Variants in SMOC2 observed in about 807,000 individuals in gnomAD.
SMOC2 encodes the protein SPARC related modular calcium binding 2.
A neutral mutation model predicts 61.4 loss-of-function variants in SMOC2; 39 were observed. The observed-to-expected ratio is 0.64, with a 90% CI of 0.49 to 0.83. The LOEUF is 0.83. Among genes scored for constraint, SMOC2 ranks in the 40% least tolerant of loss-of-function variants. The pLI is 0.00. For synonymous variants in SMOC2, 247 were observed against 239.9 expected (o/e 1.03, Z -0.27); for missense variants, 556 against 592.9 (o/e 0.94, Z 0.65).
rs1583019127 is a variant in SMOC2, at chr6:168,441,265, G to T, written c.-106G>T. On this transcript the variant is annotated 5_prime_UTR_variant, in exon 1 of 13. Coordinates refer to ENST00000356284, the MANE Select transcript of SMOC2 (RefSeq NM_001166412.2). ...GCGGTGGGGAGAGCATCGCGGAGCC[G>T]CCCCTCCACGCGCCCGCCCAGCCGC... 1.5e-6 allele frequency: 2 copies of T among 1,372,126 alleles called. No homozygotes were observed. The highest frequency in any genetic ancestry group is 2.7e-4 in the Middle Eastern group (1 of 3,766). 85.0% of individuals were successfully genotyped at this position (1,372,126 alleles called of 1,614,324 possible).
At chr6:168,624,999 C>G (rs2115238490) in intron 9 of SMOC2, among the ~76,000 whole-genome samples, 1 of 152,288 alleles carries the variant, frequency 6.6e-6, no homozygotes, top group East Asian at 1.9e-4. Flanking sequence ...GCAGCACCAT[C>G]TGGGTCAGAT....
chr6:168,625,430 A>G (rs923820968), intron 9 of SMOC2, among the ~76,000 whole-genome samples: 2 of 152,236 alleles, frequency 1.3e-5, no homozygotes, highest in Non-Finnish European at 2.9e-5. Flanking sequence ...AGAGAGGTTC[A>G]GGACTCGCCC....
chr6:168,550,474 C>T (rs1403865813), intron 7 of SMOC2, among the ~76,000 whole-genome samples: 1 of 152,206 alleles, frequency 6.6e-6, no homozygotes, highest in East Asian at 1.9e-4. Context: ...GCAGCCACCT[C>T]AGAACCCCAT....
chr6:168,613,621 C>A (rs1785951566), intron 9 of SMOC2, among the ~76,000 whole-genome samples: 1 of 148,246 alleles, frequency 6.7e-6, no homozygotes, highest in South Asian at 2.3e-4. Context: ...CTACAGCCAG[C>A]ACAGGGGGCC....
chr6:168,583,759 A>G (rs1784979458), intron 7 of SMOC2, among the ~76,000 whole-genome samples: 1 of 152,206 alleles, frequency 6.6e-6, no homozygotes, highest in Non-Finnish European at 1.5e-5. Flanking sequence ...CCCAGCCTCT[A>G]TGGGAGCACT....
intron 1 of SMOC2, among the ~76,000 whole-genome samples, chr6:168,489,531 T>A (rs1376288214): frequency 6.7e-6 from 1 of 149,340 alleles, no homozygotes; most frequent in Non-Finnish European, 1.5e-5. Context: ...TGGATCACAC[T>A]GTTTTAGAAT....
intron 9 of SMOC2, among the ~76,000 whole-genome samples, chr6:168,643,298 G>A (rs527578948): frequency 6.6e-6 from 1 of 152,252 alleles, no homozygotes; most frequent in Admixed American, 6.5e-5. Flanking sequence ...ACAGCTTCCA[G>A]TTTCCTTTCA....
intron 1 of SMOC2, among the ~76,000 whole-genome samples, chr6:168,454,833 G>T (rs1781546287): frequency 6.6e-6 from 1 of 152,202 alleles, no homozygotes; most frequent in Non-Finnish European, 1.5e-5. Context: ...ACGCTGCTGG[G>T]GACAGGTTGT....
chr6:168,566,723 T>A (rs1321042957), intron 7 of SMOC2, among the ~76,000 whole-genome samples: 8 of 152,074 alleles, frequency 5.3e-5, no homozygotes. Context: ...ATGATCTTGA[T>A]CTCTTGACCT....
chr6:168,516,354 C>G (rs1410363530), intron 2 of SMOC2, among the ~76,000 whole-genome samples: 1 of 147,772 alleles, frequency 6.8e-6, no homozygotes, highest in Non-Finnish European at 1.5e-5. Context: ...TCAACAAAAT[C>G]TCTGGCATTC....
At chr6:168,627,487 G>T (rs1394103896) in intron 9 of SMOC2, among the ~76,000 whole-genome samples, 1 of 152,152 alleles carries the variant, frequency 6.6e-6, no homozygotes, top group African/African-American at 2.4e-5. Flanking sequence ...ATGTCAGGAA[G>T]AAAAATGATG....
At position 168,586,159 on chromosome 6, in the gene SMOC2, T is replaced by G. The variant is rs112019417; in HGVS notation, c.638-12659T>G. On this transcript the variant is annotated intron_variant, in intron 7 of 12. Coordinates refer to ENST00000356284, the MANE Select transcript of SMOC2 (RefSeq NM_001166412.2). ...GATCTCTAATTTATCTCAAATAAAT[T>G]TGTGTGTGTGGTGAGTTAGGCTTTT... is the stretch of plus-strand genomic sequence containing the variant. Among the ~76,000 whole-genome samples the G allele has an allele frequency of 5.9e-5, 9 of 152,260 alleles. No homozygotes were observed. In the South Asian group the frequency reaches 1.2e-3, roughly 21 times the overall value.
intron 1 of SMOC2, among the ~76,000 whole-genome samples, chr6:168,480,863 C>T (rs1385192600): frequency 6.6e-6 from 1 of 152,130 alleles, no homozygotes; most frequent in East Asian, 1.9e-4. Context: ...AGATTAATAG[C>T]AGATTTTTCC....
chr6:168,544,243 C>T lies in SMOC2; in HGVS notation c.511+571C>T, dbSNP rs1352672782. 6.6e-6 allele frequency among the ~76,000 whole-genome samples: 1 copy of T among 152,216 alleles called. No homozygotes were observed. Among genetic ancestry groups the T allele is most frequent in the Non-Finnish European group, 1.5e-5 (1 of 68,044 alleles). On this transcript the variant is annotated intron_variant, in intron 5 of 12. Transcript: ENST00000356284. The surrounding 1 kb of genome is among the most constrained non-coding windows in gnomAD (Gnocchi z 4.1). Reference sequence around the variant, plus strand: ...GAAAGTCTCCATCCTCTTCTCTGCCCTTGCCTCGGCCAACACCCTTCAGTA... The same window carrying T: ...GAAAGTCTCCATCCTCTTCTCTGCCTTTGCCTCGGCCAACACCCTTCAGTA...
chr6:168,569,675 C>G (rs1292924835), intron 7 of SMOC2, among the ~76,000 whole-genome samples: 2 of 152,148 alleles, frequency 1.3e-5, no homozygotes, highest in Non-Finnish European at 2.9e-5. Context: ...AACTCCTTAG[C>G]TCAAGCTATC....
chr6:168,476,192 G>C (rs1284070318), intron 1 of SMOC2, among the ~76,000 whole-genome samples: 1 of 152,130 alleles, frequency 6.6e-6, no homozygotes, highest in African/African-American at 2.4e-5. Flanking sequence ...CTGCACTTTA[G>C]ATTTGGGAGT....
At chr6:168,656,938 C>A (rs1052016771) in intron 11 of SMOC2, among the ~76,000 whole-genome samples, 1 of 152,222 alleles carries the variant, frequency 6.6e-6, no homozygotes. Flanking sequence ...GCCCCCTGTG[C>A]TGGCCCGGCC....
Position 168,637,133 on chromosome 6 carries a change from G to A in SMOC2, c.908-13548G>A, listed in dbSNP as rs190194611. Among the ~76,000 whole-genome samples the A allele has an allele frequency of 1.6e-3, 237 of 152,116 alleles. 1 individual carries two copies. Among genetic ancestry groups the A allele is most frequent in the Non-Finnish European group, 2.3e-3 (154 of 68,010 alleles). ...CTTTCTAACTGAGGTAGTTGGACCAGAGGGTCTAACACTGAGTAGTTTGAA... is the reference window on the plus strand; with the variant it reads ...CTTTCTAACTGAGGTAGTTGGACCAAAGGGTCTAACACTGAGTAGTTTGAA... On this transcript the variant is annotated intron_variant, in intron 9 of 12. Transcript: ENST00000356284.
At chr6:168,569,314 A>G (rs1478593521) in intron 7 of SMOC2, among the ~76,000 whole-genome samples, 1 of 152,202 alleles carries the variant, frequency 6.6e-6, no homozygotes, top group Non-Finnish European at 1.5e-5. Flanking sequence ...CCTATTTGGT[A>G]TCTGTATATC....
Sources: allele counts gnomAD v4.1 joint callset (sites outside exome capture counted in the v4.1 genomes callset), GRCh38; gene constraint gnomAD v4.1.1; non-coding constraint Gnocchi (gnomAD v3.1); transcripts MANE v1.5; gene names NCBI Gene and HGNC (gene_info 2026-07-23, HGNC 2026-07-21).